The following SOS1 variants were observed in gnomAD, a reference collection of about 807,000 sequenced individuals.
SOS1 encodes the protein son of sevenless homolog 1.
In SOS1, 25 loss-of-function variants were observed where a neutral mutation model predicts 157.6. That is an observed-to-expected ratio of 0.16 (90% CI 0.12 to 0.22). The LOEUF (loss-of-function observed/expected upper bound fraction) is 0.22, where lower values mean the gene tolerates loss of function less well. Ranked by LOEUF, SOS1 falls within the 10% of genes least tolerant of loss-of-function variation. The pLI is 1.00. For synonymous variants in SOS1, 528 were observed against 534.0 expected, an observed-to-expected ratio of 0.99 and a Z score of 0.16; for missense variants, 1,237 against 1,599.1, an observed-to-expected ratio of 0.77 and a Z score of 3.86.
chr2:39,022,859 A>C lies in SOS1; in HGVS notation c.1569T>G (p.Ser523Arg), dbSNP rs772693927. ...AFEIILKDEN[S>R]VIFSAKSAEE... ...CAGCTGACTTGGCAGAAAATATAAC[A>C]CTATTTTCATCTTTTAAAATTATTT... The change falls in exon 10 of 23, where the codon AGT (serine) becomes AGG (arginine). Residue 523 changes from serine (S) to arginine (R), a missense_variant. Transcript: ENST00000402219. 7 of 1,612,186 alleles carry C rather than the reference A, an allele frequency of 4.3e-6. No individual in the cohort carries two copies. The East Asian group carries it at 1.6e-4, about 36-fold the overall frequency.
At chr2:39,074,739 TG>T (rs1671907020) in intron 1 of SOS1, among the ~76,000 whole-genome samples, 1 of 151,560 alleles carries the variant, frequency 6.6e-6, no homozygotes, top group South Asian at 2.1e-4. Flanking sequence ...TGGTGGCACG[TG>T]CCTGTAATCC....
In SOS1 at chr2:39,001,627, A is replaced by C. The variant is rs1669103157; in HGVS notation, c.2792-4202T>G. ...CCAGTATCCAGAATTTAGGAAAAGA[A>C]TCTGGAAGGAGTTTCTATAAACTAC... On this transcript the variant is annotated intron_variant, in intron 17 of 22. Transcript: ENST00000402219. 2.6e-5 allele frequency among the ~76,000 whole-genome samples: 4 copies of C among 152,236 alleles called. No homozygotes were observed. The South Asian group carries it at 8.3e-4, about 32-fold the overall frequency.
At chr2:39,071,401 C>T (rs973193977) in intron 1 of SOS1, among the ~76,000 whole-genome samples, 1 of 152,054 alleles carries the variant, frequency 6.6e-6, no homozygotes, top group African/African-American at 2.4e-5. Context: ...TGTTGTCATA[C>T]TATTTAATAA....
chr2:39,060,346 T>C (rs1035127236), intron 2 of SOS1, among the ~76,000 whole-genome samples: 1 of 152,244 alleles, frequency 6.6e-6, no homozygotes, highest in Non-Finnish European at 1.5e-5. Flanking sequence ...ACTGCACACA[T>C]ACTCAAATGA....
intron 18 of SOS1, 41 bp downstream of exon 18, chr2:38,997,212 A>G (rs1162106066): frequency 6.7e-7 from 1 of 1,491,694 alleles, no homozygotes; most frequent in South Asian, 1.2e-5. Context: ...GTAGTTTAGA[A>G]ACTTAATCAG....
At chr2:39,059,022 G>A (rs993279234) in intron 2 of SOS1, among the ~76,000 whole-genome samples, 1 of 152,004 alleles carries the variant, frequency 6.6e-6, no homozygotes. Context: ...CTATTATCTA[G>A]GGGGAATATC....
intron 9 of SOS1, chr2:39,023,758 C>G (rs1572831247): frequency 4.6e-6 from 2 of 435,820 alleles, no homozygotes; most frequent in Non-Finnish European, 8.2e-6. Context: ...ACATTTTACT[C>G]TGTCTCTCCT....
In SOS1 at chr2:39,013,931, C is replaced by T. The variant is rs757698688; in HGVS notation, c.1999G>A (p.Asp667Asn). The T allele has an allele frequency of 3.1e-6, 5 of 1,605,744 alleles. No homozygotes were observed. The South Asian group carries it at 4.4e-5, about 14-fold the overall frequency. ...TTCAGTTCTGCACTCAAGGGTTGAT[C>T]TCCATTCTCTATAGCTATGCGATCA... Reference protein sequence around the residue: ...EADRIAIENGDQPLSAELKRF... With the variant: ...EADRIAIENGNQPLSAELKRF... The change falls in exon 12 of 23, where the codon GAT becomes AAT. Residue 667 changes from aspartate (D) to asparagine (N), a missense_variant. By Grantham distance (23) the Asp-to-Asn change is conservative (BLOSUM62 1). Transcript: ENST00000402219.
At chr2:39,006,964 T>C (rs780604120) in intron 16 of SOS1, 67 bp downstream of exon 16, 6 of 1,028,038 alleles carry the variant, frequency 5.8e-6, no homozygotes, top group South Asian at 2.6e-5. Context: ...AAGATAATAA[T>C]TGTTAAAAAT....
chr2:39,034,301 A>T (rs1670268271), intron 8 of SOS1, among the ~76,000 whole-genome samples: 1 of 152,214 alleles, frequency 6.6e-6, no homozygotes, highest in Admixed American at 6.5e-5. Flanking sequence ...ACTGTTAATA[A>T]ATTCACAGAC....
At chr2:39,067,440 A>C (rs1474296019) in intron 2 of SOS1, among the ~76,000 whole-genome samples, 188 bp downstream of exon 2, 2 of 152,180 alleles carry the variant, frequency 1.3e-5, no homozygotes, top group Non-Finnish European at 2.9e-5. Context: ...AAAAAACCTC[A>C]AAATCTAAAA....
chr2:39,081,572 C>G (rs1464009865), intron 1 of SOS1, among the ~76,000 whole-genome samples: 1 of 152,000 alleles, frequency 6.6e-6, no homozygotes, highest in Non-Finnish European at 1.5e-5. Context: ...CGCCTGTAAT[C>G]CCGGCACTTT....
intron 1 of SOS1, among the ~76,000 whole-genome samples, chr2:39,069,290 G>A (rs1671712017): frequency 6.9e-6 from 1 of 145,916 alleles, no homozygotes; most frequent in African/African-American, 2.5e-5. Flanking sequence ...TGACGTGGAA[G>A]GATCGCTTAA....
At chr2:39,044,551 C>G (rs374885416) in intron 6 of SOS1, among the ~76,000 whole-genome samples, 3 of 152,080 alleles carry the variant, frequency 2.0e-5, no homozygotes, top group South Asian at 4.1e-4. Flanking sequence ...AAACTTAATC[C>G]TCAAGGCAAC....
chr2:39,045,595 T>C (rs1359908414), intron 6 of SOS1, among the ~76,000 whole-genome samples: 1 of 152,230 alleles, frequency 6.6e-6, no homozygotes, highest in Non-Finnish European at 1.5e-5. Flanking sequence ...AATATTGTTA[T>C]ACAGGTTTGA....
At chr2:39,080,516 T>A (rs1220834825) in intron 1 of SOS1, among the ~76,000 whole-genome samples, 1 of 152,224 alleles carries the variant, frequency 6.6e-6, no homozygotes, top group South Asian at 2.1e-4. Flanking sequence ...CTCTTTTCAA[T>A]GTATATTTCA....
chr2:38,998,649 A>G (rs1258484007), intron 17 of SOS1, among the ~76,000 whole-genome samples: 1 of 152,196 alleles, frequency 6.6e-6, no homozygotes. Context: ...TGAGAAACAA[A>G]TGAGTGAATA....
intron 1 of SOS1, among the ~76,000 whole-genome samples, chr2:39,086,696 T>A (rs1672388891): frequency 6.6e-6 from 1 of 152,166 alleles, no homozygotes; most frequent in Admixed American, 6.5e-5. Context: ...TTTCCCCACA[T>A]CTTTCTACTT....
intron 1 of SOS1, among the ~76,000 whole-genome samples, chr2:39,106,381 G>C (rs1258928828): frequency 1.3e-5 from 2 of 151,896 alleles, no homozygotes; most frequent in Non-Finnish European, 2.9e-5. Context: ...ACGAGGTCAG[G>C]AGATCGAGAC....
Sources: gnomAD v4.1 joint callset for allele counts (sites outside exome capture counted in the v4.1 genomes callset) on GRCh38, gnomAD v4.1.1 for gene constraint, MANE v1.5 for transcripts, NCBI Gene and HGNC (gene_info 2026-07-23, HGNC 2026-07-21) for gene names.